ULK1: variants seen among roughly 807,000 people sequenced by gnomAD.
ULK1 encodes the protein serine/threonine-protein kinase ULK1.
Under a neutral mutation model 117.5 loss-of-function variants are expected in ULK1, and 48 were observed. The ratio of observed to expected loss-of-function variants is 0.41; its 90% CI spans 0.32 to 0.52. The LOEUF is 0.52. Among genes scored for constraint, ULK1 ranks in the 20% least tolerant of loss-of-function variants. The probability of loss-of-function intolerance (pLI) is 0.29; values close to 1 mark genes in which losing one functional copy is unlikely to be tolerated. For synonymous variants in ULK1, 790 were observed against 637.8 expected (o/e 1.24, Z -3.60); for missense variants, 1,387 against 1,473.4 (o/e 0.94, Z 0.96).
At position 131,921,956 on chromosome 12, in the gene ULK1, C is replaced by A. The variant is rs1566132709; in HGVS notation, c.*595C>A. The stretch of plus-strand genomic sequence containing the variant: ...CAGACACATGCCAGGGCCCCCCAAG[C>A]CCGAGCACCGGACCACGTTGCTGCC... On this transcript the variant is annotated 3_prime_UTR_variant, in exon 28 of 28. Coordinates refer to ENST00000321867, the MANE Select transcript of ULK1 (RefSeq NM_003565.4). 4.4e-6 allele frequency: 2 copies of A among 456,284 alleles called. No homozygotes were observed. The highest frequency in any genetic ancestry group is 8.8e-6 in the Non-Finnish European group (2 of 226,778). 28.3% of individuals were successfully genotyped at this position (456,284 alleles called of 1,614,324 possible).
chr12:131,900,638 C>T (rs1275943785), intron 3 of ULK1, among the ~76,000 whole-genome samples: 2 of 122,432 alleles, frequency 1.6e-5, no homozygotes, highest in Non-Finnish European at 3.6e-5. Context: ...CTGATGGTGG[C>T]CCCCCTGGCC....
At chr12:131,908,177 A>G (rs1395153562) in intron 5 of ULK1, among the ~76,000 whole-genome samples, 3 of 152,042 alleles carry the variant, frequency 2.0e-5, no homozygotes, top group African/African-American at 7.2e-5. Flanking sequence ...TGGTAGATGG[A>G]CAGGACCCGC....
At position 131,903,155 on chromosome 12, in the gene ULK1, G is replaced by A. The variant is rs1191169942; in HGVS notation, c.247-3737G>A. 1.3e-5 allele frequency among the ~76,000 whole-genome samples: 2 copies of A among 152,154 alleles called. No homozygotes were observed. Among genetic ancestry groups the A allele is most frequent in the African/African-American group, 2.4e-5 (1 of 41,438 alleles). ...AGGCCCAGCTGGGGGCCCCCGTCGG[G>A]GGGTGTTGTGGCGCAGGGCCTGGGC... On this transcript the variant is annotated intron_variant, in intron 3 of 27. Transcript: ENST00000321867. The surrounding 1 kb of genome is among the most constrained non-coding windows in gnomAD (Gnocchi z 6.0).
intron 25 of ULK1, 35 bp downstream of exon 25, chr12:131,919,625 T>C (rs1816684111): frequency 6.3e-7 from 1 of 1,599,642 alleles, no homozygotes. Flanking sequence ...ACATGCCGGG[T>C]TGGGGAGGAA....
intron 3 of ULK1, among the ~76,000 whole-genome samples, chr12:131,901,039 C>CTTT (rs1231176159): frequency 0.026 from 3,697 of 143,734 alleles, 138 homozygotes; most frequent in African/African-American, 0.084. Context: ...TTGTGTATAT[C>CTTT]TTTTTTTTTT....
Position 131,895,631 on chromosome 12 carries a change from A to G in ULK1, c.142A>G (p.Ile48Val). ...KHDLEVAVKC[I>V]NKKNLAKSQT... ...CGATTTGGAGGTCGCCGTCAAGTGC[A>G]TTAACAAGAAGAACCTCGCCAAGTC... is the stretch of plus-strand genomic sequence containing the variant. The change falls in exon 2 of 28, where the codon ATT becomes GTT. Residue 48 changes from isoleucine to valine, a missense_variant. Transcript: ENST00000321867. The G allele has an allele frequency of 1.2e-6, 2 of 1,614,064 alleles. No individual in the cohort carries two copies. The highest frequency in any genetic ancestry group is 1.7e-6 in the Non-Finnish European group (2 of 1,180,000).
rs1890222976 is a variant in ULK1 at position 131,923,147 on chromosome 12, T to C, written c.*1786T>C. Reference sequence around the variant, plus strand: ...ACGTAAGGAAATAAACCTTTGGAATTGTTGGGCTGGTGTCACCACTTGTCT... The same window carrying C: ...ACGTAAGGAAATAAACCTTTGGAATCGTTGGGCTGGTGTCACCACTTGTCT... On this transcript the variant is annotated 3_prime_UTR_variant, in exon 28 of 28. Coordinates refer to ENST00000321867, the MANE Select transcript of ULK1 (RefSeq NM_003565.4). The C allele has an allele frequency of 6.6e-6, 1 of 152,256 alleles. No homozygotes were observed. Among genetic ancestry groups the C allele is most frequent in the Admixed American group, 6.5e-5 (1 of 15,286 alleles). 9.4% of individuals were successfully genotyped at this position (152,256 alleles called of 1,614,324 possible). A position where few individuals can be genotyped will look rare whatever the true frequency, so the allele number is the denominator to read the frequency against.
intron 3 of ULK1, chr12:131,896,812 C>G (rs1888892886): frequency 6.6e-6 from 1 of 152,502 alleles, no homozygotes; most frequent in South Asian, 2.1e-4. Context: ...AAGCCTCCTG[C>G]CTGGACCACA....
chr12:131,916,732 C>T (rs1889806097), intron 20 of ULK1, 141 bp downstream of exon 20: 16 of 1,220,350 alleles, frequency 1.3e-5, no homozygotes, highest in East Asian at 5.3e-5. Context: ...GGCTGGGTGC[C>T]AGAGAGCCTG....
At position 131,919,555 on chromosome 12, in the gene ULK1, C is replaced by T; in HGVS notation, c.2768C>T (p.Ala923Val). 6.2e-7 allele frequency: 1 copy of T among 1,612,164 alleles called. No individual in the cohort carries two copies. Among genetic ancestry groups the T allele is most frequent in the Non-Finnish European group, 8.5e-7 (1 of 1,179,634 alleles). ...GLQSAIDQIRAGKLCLSSTVK... is the reference protein window; with the variant it reads ...GLQSAIDQIRVGKLCLSSTVK... Reference sequence around the variant, plus strand: ...CAAAGTGCCATCGACCAGATCCGGGCCGGCAAGCTCTGCCTGTCGTCCACT... The same window carrying T: ...CAAAGTGCCATCGACCAGATCCGGGTCGGCAAGCTCTGCCTGTCGTCCACT... The change falls in exon 25 of 28, where the codon GCC becomes GTC. Residue 923 changes from alanine to valine, a missense_variant. Ala to Val is a moderately conservative substitution (Grantham distance 64, BLOSUM62 0). Coordinates refer to ENST00000321867, the MANE Select transcript of ULK1 (RefSeq NM_003565.4).
At chr12:131,917,915 G>C (rs867824624) in intron 22 of ULK1, among the ~76,000 whole-genome samples, 4 of 152,228 alleles carry the variant, frequency 2.6e-5, no homozygotes, top group African/African-American at 9.6e-5. Context: ...AGCACAGGCC[G>C]TGCAGACAGG....
At position 131,917,006 on chromosome 12, in the gene ULK1, C is replaced by T; in HGVS notation, c.2126C>T (p.Thr709Ile). 6.3e-7 allele frequency: 1 copy of T among 1,592,276 alleles called. No homozygotes were observed. The highest frequency in any genetic ancestry group is 8.5e-7 in the Non-Finnish European group (1 of 1,169,974). ...TDLLLKAAFG[T>I]QAPDPGSTES... ...CTGCTCCTTAAGGCGGCGTTTGGGACACAAGCCCCGGACCCGGGCAGCACG... is the reference window on the plus strand; with the variant it reads ...CTGCTCCTTAAGGCGGCGTTTGGGATACAAGCCCCGGACCCGGGCAGCACG... Residue 709 changes from threonine to isoleucine, a missense_variant, in exon 21 of 28, where the codon ACA (threonine) becomes ATA (isoleucine). Transcript: ENST00000321867.
intron 13 of ULK1, among the ~76,000 whole-genome samples, chr12:131,912,639 A>C (rs1194861795): frequency 6.6e-6 from 1 of 152,174 alleles, no homozygotes; most frequent in Non-Finnish European, 1.5e-5. Flanking sequence ...CGTGTCTGCC[A>C]GGGACACAAT....
In ULK1 at chr12:131,917,022, G is replaced by A. The variant is rs763056459; in HGVS notation, c.2142G>A (p.Pro714=). 18 of 1,608,408 alleles carry A rather than the reference G, an allele frequency of 1.1e-5. No homozygotes were observed. The South Asian group carries it at 1.4e-4, about 13-fold the overall frequency. Residue 714 remains proline (P), a synonymous_variant, in exon 21 of 28, where the codon CCG becomes CCA. Coordinates refer to ENST00000321867, the MANE Select transcript of ULK1 (RefSeq NM_003565.4). ...KAAFGTQAPD[P]GSTESLQEKP... ...CGTTTGGGACACAAGCCCCGGACCC[G>A]GGCAGCACGGAGAGCCTGCAGGAGA...
In ULK1 at chr12:131,920,071, C is replaced by T. The variant is rs141556486; in HGVS notation, c.2896C>T (p.Arg966Trp). ...RLQRFFLDKQ[R>W]LLDRIHSITA... Reference sequence around the variant, plus strand: ...GCAGCGCTTCTTCCTGGACAAGCAGCGGCTCCTGGACCGCATTCACAGCAT... The same window carrying T: ...GCAGCGCTTCTTCCTGGACAAGCAGTGGCTCCTGGACCGCATTCACAGCAT... Residue 966 changes from arginine (R) to tryptophan (W), a missense_variant, in exon 26 of 28, where the codon CGG becomes TGG. Physicochemically the swap from Arg to Trp is moderately radical, Grantham distance 101. Transcript: ENST00000321867. The T allele has an allele frequency of 1.2e-5, 19 of 1,612,686 alleles. No individual in the cohort carries two copies. Among genetic ancestry groups the T allele is most frequent in the South Asian group, 2.2e-5 (2 of 91,084 alleles).
intron 26 of ULK1, chr12:131,920,710 G>GT (rs200351177): frequency 0.012 from 2,731 of 232,350 alleles, 33 homozygotes; most frequent in Admixed American, 0.023. Context: ...AAACTCATGA[G>GT]TGCCTGAGTC....
intron 25 of ULK1, 177 bp from the exon 26 acceptor site, chr12:131,919,802 G>A: frequency 9.2e-7 from 1 of 1,083,368 alleles, no homozygotes; most frequent in South Asian, 1.6e-5. Flanking sequence ...AGGCCGTGGG[G>A]TCGGATGGCA....
rs754211447 is a variant in ULK1, at chr12:131,922,094, G to A, written c.*733G>A. On this transcript the variant is annotated 3_prime_UTR_variant, in exon 28 of 28. Coordinates refer to ENST00000321867, the MANE Select transcript of ULK1 (RefSeq NM_003565.4). ...TCTGGGGACCGGCAGCAGAGGCACC[G>A]TGTTCTCTCAGCCCTGGATACGTCT... The A allele has an allele frequency of 2.1e-4, 96 of 449,732 alleles. 2 individuals carry two copies. The highest frequency in any genetic ancestry group is 2.0e-4 in the South Asian group (13 of 64,206). The allele number at this position is 449,732 out of a possible 1,614,324, so 27.9% of individuals were successfully genotyped here. A position where few individuals can be genotyped will look rare whatever the true frequency, so the allele number is the denominator to read the frequency against.
chr12:131,907,564 G>A, intron 5 of ULK1, 33 bp downstream of exon 5: 8 of 1,601,630 alleles, frequency 5.0e-6, no homozygotes, highest in Non-Finnish European at 6.8e-6. Flanking sequence ...TGGGCTGCCA[G>A]CCGGTCCCAC....
Sources: allele counts gnomAD v4.1 joint callset (sites outside exome capture counted in the v4.1 genomes callset), GRCh38; gene constraint gnomAD v4.1.1; non-coding constraint Gnocchi (gnomAD v3.1); transcripts MANE v1.5; gene names NCBI Gene and HGNC (gene_info 2026-07-23, HGNC 2026-07-21).